GPR173: variants seen among roughly 807,000 people sequenced by gnomAD.
The protein encoded by GPR173 is G protein-coupled receptor 173.
A neutral mutation model predicts 13.9 loss-of-function variants in GPR173; 2 were observed. The observed-to-expected ratio is 0.14, with a 90% CI of 0.06 to 0.45. The LOEUF is 0.45. GPR173 is among the 20% of genes least tolerant of loss of function. The pLI is 0.98. For synonymous variants in GPR173, 131 were observed against 141.0 expected, an observed-to-expected ratio of 0.93 and a Z score of 0.50; for missense variants, 202 against 340.5, an observed-to-expected ratio of 0.59 and a Z score of 3.20.
At position 53,076,686 on chromosome X, in the gene GPR173, C is replaced by G; in HGVS notation, c.65C>G (p.Ala22Gly). ...SGALSPPSAS[A>G]YVKLVLLGLI... is the part of the protein sequence containing the mutation. ...GCTCTGTCCCCACCGTCCGCATCAG[C>G]TTATGTGAAGCTGGTACTGCTGGGA... Residue 22 changes from alanine (A) to glycine (G), a missense_variant, in exon 2 of 2, where the codon GCT becomes GGT. Ala to Gly is a moderately conservative substitution (Grantham distance 60). Coordinates refer to ENST00000332582, the MANE Select transcript of GPR173 (RefSeq NM_018969.6). The G allele has an allele frequency of 8.3e-7, 1 of 1,208,679 alleles. No individual in the cohort carries two copies. The highest frequency in any genetic ancestry group is 1.1e-6 in the Non-Finnish European group (1 of 893,043).
chrX:53,056,976 C>T (rs1932047756), intron 1 of GPR173, among the ~76,000 whole-genome samples: 1 of 111,586 alleles, frequency 9.0e-6, no homozygotes, highest in Admixed American at 9.6e-5. Flanking sequence ...TGGAGGCAGC[C>T]TTTGTGTTCG....
At chrX:53,073,879 A>T (rs1187907386) in intron 1 of GPR173, among the ~76,000 whole-genome samples, 1 of 33,817 alleles carries the variant, frequency 3.0e-5, no homozygotes, top group Non-Finnish European at 5.1e-5. Context: ...ATATATAATT[A>T]TATATATATT....
intron 1 of GPR173, among the ~76,000 whole-genome samples, 199 bp from the exon 2 acceptor site, chrX:53,076,326 A>C (rs1932430629): frequency 9.8e-6 from 1 of 102,541 alleles, no homozygotes; most frequent in Non-Finnish European, 2.0e-5. Context: ...TTCTGTGTCA[A>C]TCTCAATCCA....
intron 1 of GPR173, among the ~76,000 whole-genome samples, chrX:53,073,498 C>T (rs782813574): frequency 3.6e-5 from 4 of 110,268 alleles, no homozygotes; most frequent in South Asian, 3.7e-4. Context: ...AGCTTTGCTG[C>T]GCTGCTCTCA....
intron 1 of GPR173, among the ~76,000 whole-genome samples, chrX:53,057,153 AC>A (rs1932049736): frequency 8.9e-6 from 1 of 112,110 alleles, no homozygotes; most frequent in African/African-American, 3.2e-5. Context: ...GCGTTGGCTC[AC>A]GCCTGTAATC....
At chrX:53,057,289 C>T (rs1556803283) in intron 1 of GPR173, among the ~76,000 whole-genome samples, 5 of 109,117 alleles carry the variant, frequency 4.6e-5, no homozygotes, top group African/African-American at 1.3e-4. Context: ...TGGTGGCACA[C>T]GCCTGTAATC....
chrX:53,068,814 G>A (rs1343415088), intron 1 of GPR173, among the ~76,000 whole-genome samples: 3 of 82,945 alleles, frequency 3.6e-5, no homozygotes, highest in Non-Finnish European at 6.7e-5. Context: ...AAGGCTAGGC[G>A]TGATGGCTCA....
intron 1 of GPR173, among the ~76,000 whole-genome samples, chrX:53,052,364 CAT>C (rs1306701636): frequency 1.8e-5 from 2 of 111,160 alleles, no homozygotes; most frequent in Non-Finnish European, 3.8e-5. Flanking sequence ...TGTGTGAGTA[CAT>C]GTCTGTGGCG....
intron 1 of GPR173, among the ~76,000 whole-genome samples, chrX:53,073,994 C>T (rs868941198): frequency 0.032 from 171 of 5,357 alleles, 7 homozygotes; most frequent in Non-Finnish European, 0.035. Flanking sequence ...TATAAATATA[C>T]ATAAATATAT....
Position 53,060,029 on chromosome X carries a change from T to TACACAC in GPR173, c.-98+10546_-98+10547insCACACA, listed in dbSNP as rs200398295. ...AAAGTGTATATTATATATATATATA[T>TACACAC]ATACACACACACACATACACACACG... On this transcript the variant is annotated intron_variant, in intron 1 of 1. Coordinates refer to ENST00000332582, the MANE Select transcript of GPR173 (RefSeq NM_018969.6). Among the ~76,000 whole-genome samples the TACACAC allele has an allele frequency of 2.6e-4, 27 of 101,999 alleles. No individual in the cohort carries two copies. In the East Asian group the frequency reaches 3.6e-3, roughly 14 times the overall value. The allele number at this position is 101,999 out of a possible 115,157, so 88.6% of individuals were successfully genotyped here.
At chrX:53,052,604 T>TACAC (rs1569220322) in intron 1 of GPR173, among the ~76,000 whole-genome samples, 9 of 77,747 alleles carry the variant, frequency 1.2e-4, no homozygotes, top group African/African-American at 7.0e-4. Flanking sequence ...CACACACACG[T>TACAC]GTGTGTGTGT....
intron 1 of GPR173, among the ~76,000 whole-genome samples, chrX:53,061,809 A>G (rs1176507661): frequency 9.0e-6 from 1 of 111,098 alleles, no homozygotes; most frequent in African/African-American, 3.3e-5. Flanking sequence ...GAGACTGGGT[A>G]ATTTTTAACA....
chrX:53,061,222 C>CAA (rs377296420), intron 1 of GPR173, among the ~76,000 whole-genome samples: 3 of 83,148 alleles, frequency 3.6e-5, no homozygotes, highest in Non-Finnish European at 7.2e-5. Flanking sequence ...GACTCCATCT[C>CAA]AAAAAAAAAA....
chrX:53,055,280 T>C (rs1287335002), intron 1 of GPR173, among the ~76,000 whole-genome samples: 2 of 109,869 alleles, frequency 1.8e-5, no homozygotes, highest in Non-Finnish European at 3.8e-5. Context: ...AGTGTGGATG[T>C]ATCCAGATGG....
chrX:53,074,015 AAT>A (rs1298797912), intron 1 of GPR173, among the ~76,000 whole-genome samples: 2 of 30,316 alleles, frequency 6.6e-5, no homozygotes, highest in East Asian at 1.0e-3. Flanking sequence ...ATTATACATA[AAT>A]ATATATTTAT....
intron 1 of GPR173, among the ~76,000 whole-genome samples, chrX:53,062,002 A>G (rs1410101597): frequency 1.6e-4 from 17 of 109,046 alleles, no homozygotes; most frequent in African/African-American, 3.0e-4. Context: ...AGAAGAGAAG[A>G]GAAGAGAAGA....
intron 1 of GPR173, among the ~76,000 whole-genome samples, chrX:53,068,754 G>A (rs1009595729): frequency 7.0e-5 from 5 of 71,819 alleles, no homozygotes; most frequent in Admixed American, 1.3e-4. Flanking sequence ...GTAACAGAGC[G>A]AGACCCTGTA....
chrX:53,072,090 A>T (rs1356399301), intron 1 of GPR173, among the ~76,000 whole-genome samples: 1 of 100,957 alleles, frequency 9.9e-6, no homozygotes, highest in Non-Finnish European at 2.0e-5. Context: ...CTTGTTTGTA[A>T]AATGTCCCGA....
intron 1 of GPR173, among the ~76,000 whole-genome samples, chrX:53,053,421 T>C (rs1556802929): frequency 8.8e-6 from 1 of 113,057 alleles, no homozygotes; most frequent in African/African-American, 3.2e-5. Context: ...TATGCCTGTA[T>C]GTACCCCTGT....
Sources: allele counts gnomAD v4.1 joint callset (sites outside exome capture counted in the v4.1 genomes callset), GRCh38; gene constraint gnomAD v4.1.1; transcripts MANE v1.5; gene names NCBI Gene and HGNC (gene_info 2026-07-23, HGNC 2026-07-21).